The following CHUK variants were observed in gnomAD, a reference collection of about 807,000 sequenced individuals.
The protein encoded by CHUK is inhibitor of nuclear factor kappa-B kinase subunit alpha.
Under a neutral mutation model 104.8 loss-of-function variants are expected in CHUK, and 35 were observed. That is an observed-to-expected ratio of 0.33 (90% CI 0.26 to 0.44). CHUK has a LOEUF of 0.44. Among genes scored for constraint, CHUK ranks in the 20% least tolerant of loss-of-function variants. CHUK has a pLI of 1.00. For missense variants in CHUK, 663 were observed against 902.7 expected (o/e 0.73, Z 3.40); for synonymous variants, 276 against 291.9 (o/e 0.95, Z 0.56).
At chr10:100,194,974 C>T (rs932060872) in intron 16 of CHUK, 1 of 156,174 alleles carries the variant, frequency 6.4e-6, no homozygotes, top group Non-Finnish European at 1.4e-5. Context: ...CATGTTTATC[C>T]GTCTGTTTAC....
At chr10:100,192,521 C>CA in intron 19 of CHUK, 1 of 739,488 alleles carries the variant, frequency 1.4e-6, no homozygotes. Flanking sequence ...ACAGAATGTG[C>CA]AACTGCATGA....
intron 9 of CHUK, among the ~76,000 whole-genome samples, chr10:100,215,096 A>G (rs2134238458): frequency 6.6e-6 from 1 of 151,804 alleles, no homozygotes; most frequent in South Asian, 2.1e-4. Context: ...TTAGCTGGAC[A>G]CGGTGGCAGG....
chr10:100,228,253 C>G (rs1448216758), intron 1 of CHUK, among the ~76,000 whole-genome samples: 1 of 152,158 alleles, frequency 6.6e-6, no homozygotes, highest in Non-Finnish European at 1.5e-5. Context: ...CTAAAATGTC[C>G]TTTAGGAAGG....
Position 100,220,689 on chromosome 10 carries a change from T to G in CHUK, c.386-13A>C. 1 of 1,551,080 alleles carries G rather than the reference T, an allele frequency of 6.4e-7. No homozygotes were observed. Among genetic ancestry groups the G allele is most frequent in the Non-Finnish European group, 8.9e-7 (1 of 1,123,266 alleles). ...CGAATCCCAGACCCTAAATAAAGTTTAAAATATACTTTAAAGTAACAGAAA... is the reference window on the plus strand; with the variant it reads ...CGAATCCCAGACCCTAAATAAAGTTGAAAATATACTTTAAAGTAACAGAAA... On this transcript the variant is annotated splice_polypyrimidine_tract_variant and intron_variant, in intron 4 of 20. Coordinates refer to ENST00000370397, the MANE Select transcript of CHUK (RefSeq NM_001278.5).
intron 14 of CHUK, 99 bp from the exon 15 acceptor site, chr10:100,200,879 A>G: frequency 1.4e-6 from 1 of 738,654 alleles, no homozygotes; most frequent in South Asian, 1.4e-5. Context: ...TTGCTGCTTC[A>G]TTAGAGAACT....
intron 9 of CHUK, among the ~76,000 whole-genome samples, chr10:100,210,148 C>T (rs1224626238): frequency 2.1e-5 from 3 of 144,944 alleles, no homozygotes; most frequent in Admixed American, 1.4e-4. Context: ...AGTGCAGTGG[C>T]GGGATCTCGG....
chr10:100,219,843 TA>T (rs1350024157), intron 5 of CHUK, among the ~76,000 whole-genome samples: 471 of 140,336 alleles, frequency 3.4e-3, no homozygotes, highest in Admixed American at 4.4e-3. Context: ...GTCTTTGGAT[TA>T]AAAAAAAAAA....
intron 2 of CHUK, among the ~76,000 whole-genome samples, chr10:100,225,481 T>C (rs1846083919): frequency 6.6e-6 from 1 of 152,246 alleles, no homozygotes; most frequent in South Asian, 2.1e-4. Context: ...ATACCACATT[T>C]TGTTTATACA....
rs1041128041 is a variant in CHUK, at chr10:100,204,359, C to G, written c.1507+147G>C. ...TTAAAAAAAGAGGTAACATTCAAAA[C>G]AAACATGGTTTATGTTAATTTAAGT... On this transcript the variant is annotated intron_variant, in intron 13 of 20. Transcript: ENST00000370397. The G allele has an allele frequency of 2.6e-5, 18 of 689,022 alleles. No individual in the cohort carries two copies. The South Asian group carries it at 3.2e-4, about 12-fold the overall frequency. The allele number at this position is 689,022 out of a possible 1,614,324, so 42.7% of individuals were successfully genotyped here.
In CHUK at chr10:100,229,359, G is replaced by C. The variant is rs983729721; in HGVS notation, c.105+69C>G. On this transcript the variant is annotated intron_variant, in intron 1 of 20. Coordinates refer to ENST00000370397, the MANE Select transcript of CHUK (RefSeq NM_001278.5). Reference sequence around the variant, plus strand: ...CCATCTATCCCACACTGTCAGCCCTGTGTTCCACAGACGCTCAAACCCACC... The same window carrying C: ...CCATCTATCCCACACTGTCAGCCCTCTGTTCCACAGACGCTCAAACCCACC... 20 of 1,153,094 alleles carry C rather than the reference G, an allele frequency of 1.7e-5. No individual in the cohort carries two copies. In the South Asian group the frequency reaches 2.5e-4, roughly 15 times the overall value. The allele number at this position is 1,153,094 out of a possible 1,614,324, so 71.4% of individuals were successfully genotyped here. A position where few individuals can be genotyped will look rare whatever the true frequency, so the allele number is the denominator to read the frequency against.
intron 9 of CHUK, among the ~76,000 whole-genome samples, chr10:100,215,306 CA>C (rs1486967225): frequency 6.7e-6 from 1 of 149,378 alleles, no homozygotes; most frequent in Admixed American, 6.7e-5. Flanking sequence ...GCCAGTGGAA[CA>C]GCCAGGTAGT....
chr10:100,188,029 T>C (rs1374942718), downstream of CHUK: 2 of 152,174 alleles, frequency 1.3e-5, no homozygotes, highest in Non-Finnish European at 2.9e-5. Context: ...CCTATTATAA[T>C]AGATGACGAA....
In CHUK at chr10:100,222,913, C is replaced by G; in HGVS notation, c.268G>C (p.Val90Leu). The G allele has an allele frequency of 6.2e-7, 1 of 1,608,328 alleles. No homozygotes were observed. The highest frequency in any genetic ancestry group is 8.5e-7 in the Non-Finnish European group (1 of 1,174,978). The change falls in exon 3 of 21, where the codon GTG (valine) becomes CTG (leucine). Residue 90 changes from valine (V) to leucine (L), a missense_variant. By Grantham distance (32) the Val-to-Leu change is conservative. This residue lies in a region of CHUK where 200 missense variants were observed against 333.0 expected (regional missense o/e 0.60). Coordinates refer to ENST00000370397, the MANE Select transcript of CHUK (RefSeq NM_001278.5). ...PEELNILIHDVPLLAMEYCSG... is the reference protein window; with the variant it reads ...PEELNILIHDLPLLAMEYCSG... ...CAGTATTCCATTGCTAGAAGAGGCA[C>G]ATCATGAATCAAAATATTCAATTCT...
At chr10:100,203,127 ACTCT>A (rs959936245) in intron 13 of CHUK, among the ~76,000 whole-genome samples, 1 of 151,676 alleles carries the variant, frequency 6.6e-6, no homozygotes, top group Admixed American at 6.6e-5. Flanking sequence ...AACAGAAAAG[ACTCT>A]CTCTTCTACC....
At position 100,222,743 on chromosome 10, in the gene CHUK, T is replaced by C. The variant is rs140925045; in HGVS notation, c.315+123A>G. 5.5e-3 allele frequency: 3,700 copies of C among 677,588 alleles called. 31 individuals are homozygous for C. Among genetic ancestry groups the C allele is most frequent in the Non-Finnish European group, 8.1e-3 (3,014 of 370,184 alleles). The allele number at this position is 677,588 out of a possible 1,614,324, so 42.0% of individuals were successfully genotyped here. ...TGGCTGTGTTCCAATAAAACTTTAT[T>C]TACAAAACAGGAAGCAGACCATAGT... On this transcript the variant is annotated intron_variant, in intron 3 of 20. Coordinates refer to ENST00000370397, the MANE Select transcript of CHUK (RefSeq NM_001278.5).
At chr10:100,223,113 C>G in intron 2 of CHUK, 133 bp from the exon 3 acceptor site, 1 of 544,122 alleles carries the variant, frequency 1.8e-6, no homozygotes, top group Non-Finnish European at 3.2e-6. Context: ...ATTCTAATTT[C>G]TGATTTGTAT....
intron 2 of CHUK, among the ~76,000 whole-genome samples, chr10:100,225,257 C>T (rs1446734800): frequency 6.6e-6 from 1 of 152,214 alleles, no homozygotes; most frequent in Non-Finnish European, 1.5e-5. Context: ...TCTCTATTTG[C>T]TGGTCCCTTC....
chr10:100,228,993 G>GCGCACA (rs764914118), intron 1 of CHUK, among the ~76,000 whole-genome samples: 91 of 133,554 alleles, frequency 6.8e-4, no homozygotes, highest in Non-Finnish European at 1.1e-3. Flanking sequence ...GCGCGCGCGC[G>GCGCACA]CACACACACA....
chr10:100,228,985 GCGCGCGCGCACACACACACACACA>G (rs1846167567), intron 1 of CHUK, among the ~76,000 whole-genome samples: 2 of 86,998 alleles, frequency 2.3e-5, no homozygotes, highest in African/African-American at 7.4e-5. Context: ...AAGCGCGCGC[GCGCGCGCGCACACACACACACACA>G]CACACACACA....
Sources: gnomAD v4.1 joint callset for allele counts (sites outside exome capture counted in the v4.1 genomes callset) on GRCh38, gnomAD v4.1.1 for gene constraint, gnomAD v4.1.1 regional missense constraint, MANE v1.5 for transcripts, NCBI Gene and HGNC (gene_info 2026-07-23, HGNC 2026-07-21) for gene names.